The following USP25 variants were observed in gnomAD, a reference collection of about 807,000 sequenced individuals.
The protein encoded by USP25 is ubiquitin specific peptidase 25.
In USP25, 85 loss-of-function variants were observed where a neutral mutation model predicts 158.5. The observed-to-expected ratio is 0.54, with a 90% CI of 0.45 to 0.64. The LOEUF (loss-of-function observed/expected upper bound fraction) is 0.64, where lower values mean the gene tolerates loss of function less well. Ranked by LOEUF, USP25 falls within the 30% of genes least tolerant of loss-of-function variation. The pLI is 0.00. For synonymous variants in USP25, 464 were observed against 460.4 expected, an observed-to-expected ratio of 1.01 and a Z score of -0.10; for missense variants, 1,242 against 1,327.3, an observed-to-expected ratio of 0.94 and a Z score of 1.00.
At chr21:15,737,003 G>A (rs562197984) in intron 1 of USP25, among the ~76,000 whole-genome samples, 4 of 151,342 alleles carry the variant, frequency 2.6e-5, no homozygotes, top group South Asian at 2.1e-4. Flanking sequence ...TTTCACTTGC[G>A]TGTGTTTATG....
chr21:15,873,913 T>C (rs1046054851), intron 23 of USP25, among the ~76,000 whole-genome samples: 1 of 148,326 alleles, frequency 6.7e-6, no homozygotes, highest in African/African-American at 2.5e-5. Flanking sequence ...TTCTTATTTC[T>C]ATTTTTTTTT....
intron 1 of USP25, among the ~76,000 whole-genome samples, chr21:15,753,306 G>A (rs2033156432): frequency 6.6e-6 from 1 of 152,198 alleles, no homozygotes; most frequent in Non-Finnish European, 1.5e-5. Flanking sequence ...GGTCTGTCAG[G>A]AGCTGGCTCC....
At chr21:15,808,492 G>A (rs1284425402) in intron 7 of USP25, among the ~76,000 whole-genome samples, 1 of 151,760 alleles carries the variant, frequency 6.6e-6, no homozygotes, top group African/African-American at 2.4e-5. Flanking sequence ...GAGCTCTTTG[G>A]GTGGGGAGTA....
At chr21:15,804,021 G>T (rs758386699) in intron 6 of USP25, among the ~76,000 whole-genome samples, 2 of 151,804 alleles carry the variant, frequency 1.3e-5, no homozygotes, top group Non-Finnish European at 2.9e-5. Flanking sequence ...AATTTTTTCC[G>T]TTAAAATTGT....
At chr21:15,777,577 T>C (rs568518490) in intron 3 of USP25, among the ~76,000 whole-genome samples, 85 of 152,288 alleles carry the variant, frequency 5.6e-4, no homozygotes, top group African/African-American at 1.6e-3. Context: ...ATTGTATTGA[T>C]TTCAATTTTT....
At chr21:15,767,797 T>C (rs998375060) in intron 3 of USP25, among the ~76,000 whole-genome samples, 1 of 152,094 alleles carries the variant, frequency 6.6e-6, no homozygotes, top group African/African-American at 2.4e-5. Flanking sequence ...ATAGATGGTA[T>C]ACTTGGTGAC....
chr21:15,871,120 A>T (rs542601976), intron 23 of USP25, among the ~76,000 whole-genome samples: 5 of 152,198 alleles, frequency 3.3e-5, no homozygotes, highest in Non-Finnish European at 7.4e-5. Context: ...TTTTATATTA[A>T]TAGTTATCAA....
At chr21:15,776,248 A>C (rs1034470788) in intron 3 of USP25, among the ~76,000 whole-genome samples, 10 of 152,148 alleles carry the variant, frequency 6.6e-5, no homozygotes, top group African/African-American at 2.4e-4. Flanking sequence ...TTACTATGCT[A>C]TATAAATCTT....
At position 15,842,404 on chromosome 21, in the gene USP25, C is replaced by G. The variant is rs745647932; in HGVS notation, c.2201C>G (p.Ala734Gly). 3.7e-6 allele frequency: 6 copies of G among 1,613,292 alleles called. No homozygotes were observed. Among genetic ancestry groups the G allele is most frequent in the Non-Finnish European group, 5.1e-6 (6 of 1,179,586 alleles). The part of the protein sequence containing the change: ...ESETSVTTAQ[A>G]AGDPEYLEQP... ...TGATTCTTTTCTCATGAAGCACAAG[C>G]AGCAGGAGACCCAGAATATCTAGAG... Residue 734 changes from alanine (A) to glycine (G), a missense_variant, in exon 18 of 26, where the codon GCA becomes GGA. Ala to Gly is a moderately conservative substitution (Grantham distance 60). This residue lies in a region of USP25 where 608 missense variants were observed against 605.2 expected (regional missense o/e 1.00). Coordinates refer to ENST00000400183, the MANE Select transcript of USP25 (RefSeq NM_001283041.3).
chr21:15,826,832 A>G lies in USP25; in HGVS notation c.1467-145A>G, dbSNP rs2037529053. 1.3e-5 allele frequency: 9 copies of G among 696,846 alleles called. No homozygotes were observed. In the South Asian group the frequency reaches 1.9e-4, roughly 15 times the overall value. 43.2% of individuals were successfully genotyped at this position (696,846 alleles called of 1,614,324 possible). On this transcript the variant is annotated intron_variant, in intron 13 of 25. Coordinates refer to ENST00000400183, the MANE Select transcript of USP25 (RefSeq NM_001283041.3). The surrounding 1 kb of genome is among the most constrained non-coding windows in gnomAD (Gnocchi z 4.8). ...TTAGTTCTTATGTATTAAAAATCTC[A>G]TTTGGATGTTAGATCAATCCACATA...
intron 3 of USP25, among the ~76,000 whole-genome samples, chr21:15,775,833 A>G (rs559746451): frequency 7.0e-6 from 1 of 142,256 alleles, no homozygotes; most frequent in African/African-American, 2.6e-5. Flanking sequence ...CCAAAACCCT[A>G]ACTGCCAGTG....
chr21:15,732,051 A>G lies in USP25; in HGVS notation c.45+1613A>G, dbSNP rs577082078. On this transcript the variant is annotated intron_variant, in intron 1 of 25. Coordinates refer to ENST00000400183, the MANE Select transcript of USP25 (RefSeq NM_001283041.3). The stretch of plus-strand genomic sequence containing the variant: ...TTTGACTAAACTGTATTAAATAACT[A>G]TGCAGGCTCTATTGTATGGTTCAGA... Among the ~76,000 whole-genome samples the G allele has an allele frequency of 2.0e-5, 3 of 152,344 alleles. No homozygotes were observed. The East Asian group carries it at 5.8e-4, about 29-fold the overall frequency.
Position 15,866,273 on chromosome 21 carries a change from A to C in USP25, c.2734A>C (p.Asn912His). ...RNLSFDERCH[N>H]IMKVAQAKLE... ...TATGTGTTTTTTTTTAAGGTGTCAC[A>C]ACATAATGAAAGTTGCTCAAGCCAA... Residue 912 changes from asparagine (N) to histidine (H), a missense_variant, in exon 22 of 26, where the codon AAC (asparagine) becomes CAC (histidine). Physicochemically the swap from Asn to His is moderately conservative, Grantham distance 68 (BLOSUM62 1). Coordinates refer to ENST00000400183, the MANE Select transcript of USP25 (RefSeq NM_001283041.3). 2 of 1,603,364 alleles carry C rather than the reference A, an allele frequency of 1.2e-6. No homozygotes were observed. Among genetic ancestry groups the C allele is most frequent in the Non-Finnish European group, 1.7e-6 (2 of 1,174,800 alleles).
At chr21:15,733,296 A>G (rs552151230) in intron 1 of USP25, among the ~76,000 whole-genome samples, 1 of 152,194 alleles carries the variant, frequency 6.6e-6, no homozygotes, top group East Asian at 1.9e-4. Flanking sequence ...TGAATAAAAT[A>G]TATTGTTTCA....
intron 1 of USP25, among the ~76,000 whole-genome samples, chr21:15,741,584 G>T (rs1010722549): frequency 6.6e-5 from 10 of 152,108 alleles, no homozygotes; most frequent in Non-Finnish European, 1.2e-4. Flanking sequence ...TTTCCCTAAT[G>T]ACTAATGATT....
At chr21:15,835,046 C>G (rs1295608296) in intron 17 of USP25, among the ~76,000 whole-genome samples, 1 of 152,208 alleles carries the variant, frequency 6.6e-6, no homozygotes, top group Non-Finnish European at 1.5e-5. Flanking sequence ...TTCCAAATCA[C>G]TCCTCAGAAC....
At chr21:15,839,105 C>T (rs1045853973) in intron 17 of USP25, among the ~76,000 whole-genome samples, 9 of 152,140 alleles carry the variant, frequency 5.9e-5, no homozygotes, top group African/African-American at 2.2e-4. Flanking sequence ...TTATTTACCT[C>T]CATAGAGAAC....
chr21:15,867,840 T>C (rs986490587), intron 22 of USP25, among the ~76,000 whole-genome samples: 2 of 152,220 alleles, frequency 1.3e-5, no homozygotes, highest in Middle Eastern at 3.4e-3. Context: ...ATAAAACTTA[T>C]TGGGAGACAT....
chr21:15,877,927 G>A lies in USP25; in HGVS notation c.3141G>A (p.Lys1047=). 6.2e-7 allele frequency: 1 copy of A among 1,613,668 alleles called. No homozygotes were observed. Among genetic ancestry groups the A allele is most frequent in the Non-Finnish European group, 8.5e-7 (1 of 1,179,784 alleles). ...TACTGGTGGATGAAATGGAAGAAAA[G>A]GATATACTAGCTGTAGAAGATATGA... ...PLLLVDEMEE[K]DILAVEDMRN... The change falls in exon 25 of 26, where the codon AAG becomes AAA. Residue 1047 remains lysine, a synonymous_variant. Coordinates refer to ENST00000400183, the MANE Select transcript of USP25 (RefSeq NM_001283041.3).
Sources: allele counts gnomAD v4.1 joint callset (sites outside exome capture counted in the v4.1 genomes callset), GRCh38; gene constraint gnomAD v4.1.1; regional missense constraint gnomAD v4.1.1; non-coding constraint Gnocchi (gnomAD v3.1); transcripts MANE v1.5; gene names NCBI Gene and HGNC (gene_info 2026-07-23, HGNC 2026-07-21).